Variants in SLC6A14 observed in about 807,000 individuals in gnomAD.
The protein encoded by SLC6A14 is sodium- and chloride-dependent neutral and basic amino acid transporter B(0+).
SLC6A14 carries 21 observed loss-of-function variants against 51.4 expected under a neutral mutation model. The observed-to-expected ratio is 0.41, with a 90% CI of 0.29 to 0.59. SLC6A14 has a LOEUF of 0.59. SLC6A14 is among the 20% of genes least tolerant of loss of function. The pLI is 0.31. For synonymous variants in SLC6A14, 177 were observed against 160.7 expected, an observed-to-expected ratio of 1.10 and a Z score of -0.77; for missense variants, 371 against 472.8, an observed-to-expected ratio of 0.78 and a Z score of 2.00.
At chrX:116,442,873 G>C (rs781866682) in intron 4 of SLC6A14, 25 bp downstream of exon 4, 1 of 1,076,720 alleles carries the variant, frequency 9.3e-7, no homozygotes. Context: ...CACCCAAATA[G>C]TTCTTTTATA....
chrX:116,441,227 G>T, intron 3 of SLC6A14, 130 bp downstream of exon 3: 1 of 666,941 alleles, frequency 1.5e-6, no homozygotes, highest in Non-Finnish European at 2.3e-6. Context: ...TTAAAGCAAA[G>T]AAAACATGCA....
At chrX:116,447,193 A>G (rs1927731961) in intron 7 of SLC6A14, among the ~76,000 whole-genome samples, 1 of 111,743 alleles carries the variant, frequency 8.9e-6, no homozygotes, top group Non-Finnish European at 1.9e-5. Context: ...TTCATGCATA[A>G]ATACCCGCAA....
In SLC6A14 at chrX:116,453,018, T is replaced by C. The variant is rs782552533; in HGVS notation, c.1161T>C (p.Gly387=). Residue 387 remains glycine (G), a splice_region_variant and synonymous_variant, in exon 9 of 14, where the codon GGT becomes GGC. Transcript: ENST00000598581. ...GKEVSQVVKS[G]FDLAFIAYPE... is the part of the protein sequence containing the mutation. ...TATAATATCATACATGTTTCGTAGG[T>C]TTTGATTTGGCATTCATTGCCTATC... 8.5e-7 allele frequency: 1 copy of C among 1,180,748 alleles called. No homozygotes were observed. Among genetic ancestry groups the C allele is most frequent in the African/African-American group, 1.8e-5 (1 of 56,178 alleles).
intron 8 of SLC6A14, among the ~76,000 whole-genome samples, 168 bp downstream of exon 8, chrX:116,451,838 T>C (rs1927830601): frequency 8.9e-6 from 1 of 112,160 alleles, no homozygotes; most frequent in African/African-American, 3.2e-5. Flanking sequence ...ATAATAATTC[T>C]TAGATTATCC....
intron 4 of SLC6A14, among the ~76,000 whole-genome samples, chrX:116,443,306 T>G (rs1927636219): frequency 9.0e-6 from 1 of 111,708 alleles, no homozygotes; most frequent in African/African-American, 3.2e-5. Context: ...GGCCTTAATT[T>G]GTCTATATAC....
At chrX:116,440,022 T>C (rs5905284) in intron 2 of SLC6A14, among the ~76,000 whole-genome samples, 20,631 of 110,944 alleles carry the variant, frequency 0.19, 1,699 homozygotes, top group Admixed American at 0.25. Context: ...GTAAATTAAA[T>C]GTATACAATC....
intron 12 of SLC6A14, among the ~76,000 whole-genome samples, chrX:116,456,313 C>T (rs1365996058): frequency 9.1e-6 from 1 of 110,383 alleles, no homozygotes; most frequent in African/African-American, 3.3e-5. Flanking sequence ...TAAAGTACCA[C>T]ATTTGTTTGT....
In SLC6A14 at chrX:116,460,018, C is replaced by T. The variant is rs1339646598; in HGVS notation, c.*1063C>T. ...TTACCAAGGATAATTAAATATATCA[C>T]TAAGAGCTTTATATATTGATTATAT... On this transcript the variant is annotated 3_prime_UTR_variant, in exon 14 of 14. Coordinates refer to ENST00000598581, the MANE Select transcript of SLC6A14 (RefSeq NM_007231.5). The T allele has an allele frequency of 2.7e-5, 3 of 111,795 alleles. No individual in the cohort carries two copies. The highest frequency in any genetic ancestry group is 3.8e-5 in the Non-Finnish European group (2 of 53,130). The allele number at this position is 111,795 out of a possible 1,213,427, so 9.2% of individuals were successfully genotyped here.
rs267606322 is a variant in SLC6A14, at chrX:116,458,954, G to A, written c.1928G>A (p.Ter643=). 2.5e-6 allele frequency: 3 copies of A among 1,188,439 alleles called. No homozygotes were observed. The highest frequency in any genetic ancestry group is 1.8e-5 in the African/African-American group (1 of 55,933). Residue 643 remains the stop codon, a stop_retained_variant, in exon 14 of 14, where the codon TGA becomes TAA. Coordinates refer to ENST00000598581, the MANE Select transcript of SLC6A14 (RefSeq NM_007231.5). ...GTTAGTGGCAGCAGAAAACCGGAAT[G>A]AGATCTCATTGAAAAAAATATATGA... The part of the protein sequence containing the change: ...PTVSGSRKPE[*]
In SLC6A14 at chrX:116,460,773, G is replaced by T. The variant is rs1286193781; in HGVS notation, c.*1818G>T. ...AGTAGAGGCGAAGTTTCCCCATGTT[G>T]GCCAGGCTGGTCTTGAACTCCCGAC... On this transcript the variant is annotated 3_prime_UTR_variant, in exon 14 of 14. Coordinates refer to ENST00000598581, the MANE Select transcript of SLC6A14 (RefSeq NM_007231.5). 1.8e-5 allele frequency: 2 copies of T among 109,049 alleles called. No homozygotes were observed. Among genetic ancestry groups the T allele is most frequent in the Non-Finnish European group, 3.8e-5 (2 of 52,588 alleles). The allele number at this position is 109,049 out of a possible 1,213,427, so 9.0% of individuals were successfully genotyped here. A position where few individuals can be genotyped will look rare whatever the true frequency, so the allele number is the denominator to read the frequency against.
rs2147390262 is a variant in SLC6A14 at position 116,453,141 on chromosome X, T to C, written c.1284T>C (p.Ile428=). Residue 428 remains isoleucine, a splice_region_variant and synonymous_variant, in exon 9 of 14, where the codon ATT becomes ATC. Transcript: ENST00000598581. ...TLGLDSQFAS[I]ETITTTIQDL... ...GTCTCGATTCTCAGTTTGCTTCGAT[T>C]GGTAAGTAATACTTCCAGTGGTAAC... 1 of 1,194,594 alleles carries C rather than the reference T, an allele frequency of 8.4e-7. No homozygotes were observed. Among genetic ancestry groups the C allele is most frequent in the East Asian group, 3.0e-5 (1 of 33,259 alleles).
rs1467852435 is a variant in SLC6A14, at chrX:116,443,797, A to G, written c.656+7A>G. On this transcript the variant is annotated splice_region_variant and intron_variant, in intron 5 of 13. Coordinates refer to ENST00000598581, the MANE Select transcript of SLC6A14 (RefSeq NM_007231.5). Reference sequence around the variant, plus strand: ...CCAGTGAACAATATTGGAAGTAAGTATACTAGATGATTTACTTTTAAGTAG... The same window carrying G: ...CCAGTGAACAATATTGGAAGTAAGTGTACTAGATGATTTACTTTTAAGTAG... The G allele has an allele frequency of 3.5e-6, 4 of 1,152,379 alleles. No individual in the cohort carries two copies. The highest frequency in any genetic ancestry group is 3.6e-5 in the African/African-American group (2 of 55,207). 95.0% of individuals were successfully genotyped at this position (1,152,379 alleles called of 1,213,427 possible).
intron 8 of SLC6A14, 41 bp from the exon 9 acceptor site, chrX:116,452,976 A>T (rs781832683): frequency 9.6e-7 from 1 of 1,039,962 alleles, no homozygotes; most frequent in African/African-American, 1.9e-5. Flanking sequence ...ATATGTGAAT[A>T]TTCTTGGTAA....
intron 8 of SLC6A14, among the ~76,000 whole-genome samples, chrX:116,452,646 T>TCTAGG (rs546224489): frequency 1.8e-5 from 2 of 112,170 alleles, no homozygotes; most frequent in South Asian, 7.3e-4. Flanking sequence ...TTTTAGAGCA[T>TCTAGG]CTAGGCTAAG....
At chrX:116,442,295 T>A (rs1396966493) in intron 3 of SLC6A14, among the ~76,000 whole-genome samples, 1 of 112,144 alleles carries the variant, frequency 8.9e-6, no homozygotes, top group Non-Finnish European at 1.9e-5. Flanking sequence ...AGACAGAGTC[T>A]CACTCTGATG....
At chrX:116,447,311 A>G (rs1277587461) in intron 7 of SLC6A14, among the ~76,000 whole-genome samples, 1 of 111,925 alleles carries the variant, frequency 8.9e-6, no homozygotes, top group Non-Finnish European at 1.9e-5. Context: ...TTCAAAATTT[A>G]ATATTTGCAA....
intron 13 of SLC6A14, 25 bp from the exon 14 acceptor site, chrX:116,458,784 A>T: frequency 8.7e-7 from 1 of 1,153,407 alleles, no homozygotes; most frequent in Non-Finnish European, 1.2e-6. Context: ...TTCTAAGACA[A>T]TGATTTTTTG....
rs181395554 is a variant in SLC6A14 at position 116,452,604 on chromosome X, C to T, written c.1160-413C>T. On this transcript the variant is annotated intron_variant, in intron 8 of 13. Coordinates refer to ENST00000598581, the MANE Select transcript of SLC6A14 (RefSeq NM_007231.5). ...AGAAGGTTAAAAACAAAAGTTAGTT[C>T]GTAAATGTATCTTTCTTTAACAGTG... Among the ~76,000 whole-genome samples, 75 of 111,616 alleles carry T rather than the reference C, an allele frequency of 6.7e-4. 1 individual carries two copies. The highest frequency in any genetic ancestry group is 6.0e-3 in the Admixed American group (63 of 10,526).
At chrX:116,453,717 A>C (rs1477206850) in intron 9 of SLC6A14, among the ~76,000 whole-genome samples, 2 of 111,251 alleles carry the variant, frequency 1.8e-5, no homozygotes, top group Non-Finnish European at 3.8e-5. Context: ...TCATCCTTGC[A>C]CATACTTCTA....
Sources: gnomAD v4.1 joint callset for allele counts (sites outside exome capture counted in the v4.1 genomes callset) on GRCh38, gnomAD v4.1.1 for gene constraint, MANE v1.5 for transcripts, NCBI Gene and HGNC (gene_info 2026-07-23, HGNC 2026-07-21) for gene names.